OPCML: variants seen among roughly 807,000 people sequenced by gnomAD.
OPCML encodes opioid binding protein/cell adhesion molecule like.
Under a neutral mutation model 37.8 loss-of-function variants are expected in OPCML, and 13 were observed. That is an observed-to-expected ratio of 0.34 (90% CI 0.22 to 0.55). The LOEUF (loss-of-function observed/expected upper bound fraction) is 0.55. Ranked by LOEUF, OPCML falls within the 20% of genes least tolerant of loss-of-function variation. The pLI is 0.91. For synonymous variants in OPCML, 176 were observed against 168.8 expected (o/e 1.04, Z -0.33); for missense variants, 341 against 435.6 (o/e 0.78, Z 1.93).
chr11:133,475,818 G>A (rs927878602), intron 1 of OPCML, among the ~76,000 whole-genome samples: 2 of 152,202 alleles, frequency 1.3e-5, no homozygotes, highest in African/African-American at 2.4e-5. Flanking sequence ...GATAAACTGA[G>A]TGTCTCCCCT....
intron 4 of OPCML, among the ~76,000 whole-genome samples, chr11:132,440,225 A>G (rs2096027859): frequency 2.0e-5 from 3 of 152,378 alleles, no homozygotes; most frequent in South Asian, 2.1e-4. Flanking sequence ...AGTGCATTTC[A>G]TGTAAAATGG....
chr11:133,077,919 C>A (rs1203352944), intron 1 of OPCML, among the ~76,000 whole-genome samples: 1 of 152,064 alleles, frequency 6.6e-6, no homozygotes, highest in African/African-American at 2.4e-5. Flanking sequence ...CTGGGAAAAA[C>A]TGGAAAGCTG....
chr11:133,338,434 G>T (rs1295088294), intron 1 of OPCML, among the ~76,000 whole-genome samples: 2 of 152,160 alleles, frequency 1.3e-5, no homozygotes, highest in Non-Finnish European at 2.9e-5. Context: ...AAGGTGGAGG[G>T]GGTGTGCTGG....
intron 1 of OPCML, among the ~76,000 whole-genome samples, chr11:132,961,095 C>G (rs541490130): frequency 1.3e-5 from 2 of 152,152 alleles, no homozygotes; most frequent in Non-Finnish European, 2.9e-5. Context: ...AAATAACCCT[C>G]GGCATCCTCA....
At chr11:133,186,813 G>A (rs1938099856) in intron 1 of OPCML, among the ~76,000 whole-genome samples, 1 of 152,200 alleles carries the variant, frequency 6.6e-6, no homozygotes, top group Admixed American at 6.5e-5. Flanking sequence ...CTGCTGACTG[G>A]TGCTCAGTGT....
intron 1 of OPCML, among the ~76,000 whole-genome samples, chr11:133,289,624 A>G (rs779322660): frequency 6.6e-6 from 1 of 151,050 alleles, no homozygotes; most frequent in Non-Finnish European, 1.5e-5. Context: ...AAAAATTGAC[A>G]TATTAGTTTC....
At chr11:132,775,883 T>C (rs956294577) in intron 2 of OPCML, among the ~76,000 whole-genome samples, 9 of 152,212 alleles carry the variant, frequency 5.9e-5, no homozygotes, top group African/African-American at 2.2e-4. Context: ...TAAGTTAAAG[T>C]ACAAAGTGAC....
chr11:133,148,663 C>A (rs1242736142), intron 1 of OPCML, among the ~76,000 whole-genome samples: 1 of 152,110 alleles, frequency 6.6e-6, no homozygotes, highest in Non-Finnish European at 1.5e-5. Flanking sequence ...CACTTCAGCG[C>A]TCGCTCCATC....
chr11:132,796,976 G>A (rs1938361478), intron 2 of OPCML, among the ~76,000 whole-genome samples: 1 of 151,972 alleles, frequency 6.6e-6, no homozygotes, highest in Non-Finnish European at 1.5e-5. Flanking sequence ...TTCTTATTGA[G>A]ATTCAAGGAT....
intron 4 of OPCML, among the ~76,000 whole-genome samples, chr11:132,485,248 T>C (rs999503195): frequency 5.3e-5 from 8 of 152,180 alleles, no homozygotes; most frequent in Admixed American, 6.5e-5. Flanking sequence ...TTGTATTGCA[T>C]GCATTTACCT....
intron 1 of OPCML, among the ~76,000 whole-genome samples, chr11:133,457,204 A>G (rs1468934172): frequency 6.6e-6 from 1 of 152,146 alleles, no homozygotes; most frequent in Non-Finnish European, 1.5e-5. Context: ...ATTAGATGAT[A>G]TATTTAAGAT....
chr11:132,691,388 T>C (rs900380572), intron 2 of OPCML, among the ~76,000 whole-genome samples: 4 of 152,210 alleles, frequency 2.6e-5, no homozygotes, highest in African/African-American at 7.2e-5. Context: ...AGAAAAATAA[T>C]GGTCTCTTGG....
intron 1 of OPCML, among the ~76,000 whole-genome samples, chr11:132,991,627 A>C (rs1946779171): frequency 6.6e-6 from 1 of 152,240 alleles, no homozygotes; most frequent in Non-Finnish European, 1.5e-5. Flanking sequence ...TAAATCTGGC[A>C]GGTTGCTAGC....
chr11:132,541,231 C>T (rs1011826650), intron 3 of OPCML, among the ~76,000 whole-genome samples: 15 of 152,146 alleles, frequency 9.9e-5, no homozygotes, highest in East Asian at 1.9e-4. Flanking sequence ...CTTCCTGGAG[C>T]GAGTTTCAGA....
intron 2 of OPCML, among the ~76,000 whole-genome samples, chr11:132,925,102 T>C (rs1396170444): frequency 6.6e-6 from 1 of 152,238 alleles, no homozygotes; most frequent in Non-Finnish European, 1.5e-5. Context: ...GTATTTTCTT[T>C]CCAGCATTCC....
rs1341678578 is a variant in OPCML at position 132,814,663 on chromosome 11, C to T, written c.146+128263G>A. ...ATCCTGAGACACTTTCACAGACCCA[C>T]TCAAAAATAATGTTTAATCTGAGCA... is the stretch of plus-strand genomic sequence containing the variant. On this transcript the variant is annotated intron_variant, in intron 2 of 7. Coordinates refer to ENST00000524381, the MANE Select transcript of OPCML (RefSeq NM_001012393.5). Among the ~76,000 whole-genome samples, 16 of 152,230 alleles carry T rather than the reference C, an allele frequency of 1.1e-4. 1 individual carries two copies. The highest frequency in any genetic ancestry group is 4.6e-4 in the Admixed American group (7 of 15,288).
intron 1 of OPCML, among the ~76,000 whole-genome samples, chr11:133,483,530 A>G (rs1327209066): frequency 6.6e-6 from 1 of 152,020 alleles, no homozygotes; most frequent in Non-Finnish European, 1.5e-5. Flanking sequence ...ACATAGATAC[A>G]TAGATGATAG....
chr11:133,146,957 G>A (rs1162310455), intron 1 of OPCML, among the ~76,000 whole-genome samples: 1 of 152,196 alleles, frequency 6.6e-6, no homozygotes, highest in Admixed American at 6.5e-5. Flanking sequence ...GTACTGAGAA[G>A]CCGTGGTGCC....
chr11:133,408,872 AAT>A (rs1288828582), intron 1 of OPCML, among the ~76,000 whole-genome samples: 9 of 152,342 alleles, frequency 5.9e-5, no homozygotes, highest in Non-Finnish European at 8.8e-5. Flanking sequence ...CTGCTGTAAT[AAT>A]AGAGTCTGGG....
Sources: gnomAD v4.1 joint callset for allele counts (sites outside exome capture counted in the v4.1 genomes callset) on GRCh38, gnomAD v4.1.1 for gene constraint, MANE v1.5 for transcripts, NCBI Gene and HGNC (gene_info 2026-07-23, HGNC 2026-07-21) for gene names.